Variants in MLLT3 observed in about 807,000 individuals in gnomAD.
The protein encoded by MLLT3 is MLLT3 super elongation complex subunit.
Under a neutral mutation model 53.2 loss-of-function variants are expected in MLLT3, and 4 were observed. The observed-to-expected ratio is 0.08, with a 90% CI of 0.04 to 0.17. The LOEUF (loss-of-function observed/expected upper bound fraction) is 0.17, where lower values mean the gene tolerates loss of function less well. MLLT3 is among the 10% of genes least tolerant of loss of function. The probability of loss-of-function intolerance (pLI) is 1.00; values close to 1 mark genes in which losing one functional copy is unlikely to be tolerated. For synonymous variants in MLLT3, 283 were observed against 230.6 expected (o/e 1.23, Z -2.06); for missense variants, 569 against 684.0 (o/e 0.83, Z 1.87).
chr9:20,552,110 A>G (rs912096324), intron 2 of MLLT3, among the ~76,000 whole-genome samples: 3 of 152,188 alleles, frequency 2.0e-5, no homozygotes, highest in African/African-American at 7.2e-5. Flanking sequence ...TCCTTTTATA[A>G]AGCTCTGATC....
In MLLT3 at chr9:20,427,221, C is replaced by T. The variant is rs74305684; in HGVS notation, c.421-12796G>A. Reference sequence around the variant, plus strand: ...ATATATGAAGTATAAAAAGGAAAAACACTGGAATCCAAAAAGCGACCAAGC... The same window carrying T: ...ATATATGAAGTATAAAAAGGAAAAATACTGGAATCCAAAAAGCGACCAAGC... On this transcript the variant is annotated intron_variant, in intron 4 of 10. Transcript: ENST00000380338. Among the ~76,000 whole-genome samples, 38 of 150,472 alleles carry T rather than the reference C, an allele frequency of 2.5e-4. No homozygotes were observed. The East Asian group carries it at 7.2e-3, about 29-fold the overall frequency.
intron 3 of MLLT3, among the ~76,000 whole-genome samples, chr9:20,450,930 A>C (rs1823825067): frequency 6.6e-6 from 1 of 152,214 alleles, no homozygotes; most frequent in Non-Finnish European, 1.5e-5. Flanking sequence ...ATCTATCAAC[A>C]TACCAAATAT....
At chr9:20,524,420 A>G (rs1004430932) in intron 2 of MLLT3, among the ~76,000 whole-genome samples, 1 of 152,176 alleles carries the variant, frequency 6.6e-6, no homozygotes, top group Non-Finnish European at 1.5e-5. Context: ...GTACAATAGA[A>G]TATTGAAATG....
chr9:20,353,054 T>C lies in MLLT3; in HGVS notation c.1575+471A>G, dbSNP rs1185949535. ...TGAGTTCATAATAATAGAATGTATG[T>C]CATACAAGATAAGGGAAATGAAGAA... is the stretch of plus-strand genomic sequence containing the variant. On this transcript the variant is annotated intron_variant, in intron 10 of 10. Transcript: ENST00000380338. Among the ~76,000 whole-genome samples the C allele has an allele frequency of 3.9e-5, 6 of 152,238 alleles. No homozygotes were observed. The South Asian group carries it at 1.2e-3, about 32-fold the overall frequency.
At chr9:20,618,988 A>G (rs2131216871) in intron 2 of MLLT3, among the ~76,000 whole-genome samples, 1 of 152,290 alleles carries the variant, frequency 6.6e-6, no homozygotes, top group South Asian at 2.1e-4. Flanking sequence ...ACTGCAGCCA[A>G]GTAGTAGTAA....
At chr9:20,552,760 G>C (rs1361421932) in intron 2 of MLLT3, among the ~76,000 whole-genome samples, 2 of 152,016 alleles carry the variant, frequency 1.3e-5, no homozygotes, top group African/African-American at 4.8e-5. Context: ...TTAGGAAATA[G>C]TTTTAATAGA....
chr9:20,346,866 G>C (rs1270616932), intron 10 of MLLT3, among the ~76,000 whole-genome samples: 2 of 151,884 alleles, frequency 1.3e-5, no homozygotes, highest in Non-Finnish European at 2.9e-5. Context: ...GAGCAGTTAG[G>C]GGGAGATAGC....
At chr9:20,558,877 G>T (rs1458584006) in intron 2 of MLLT3, among the ~76,000 whole-genome samples, 15 of 152,220 alleles carry the variant, frequency 9.9e-5, no homozygotes, top group Non-Finnish European at 4.4e-5. Context: ...TTTCGGATTT[G>T]AAACTTGCCA....
At chr9:20,542,761 C>A (rs904645354) in intron 2 of MLLT3, among the ~76,000 whole-genome samples, 1 of 152,114 alleles carries the variant, frequency 6.6e-6, no homozygotes, top group Non-Finnish European at 1.5e-5. Context: ...GCCATCCTGT[C>A]CTTTGAAGAT....
At chr9:20,598,262 T>C (rs2131193948) in intron 2 of MLLT3, among the ~76,000 whole-genome samples, 1 of 152,354 alleles carries the variant, frequency 6.6e-6, no homozygotes, top group Middle Eastern at 3.4e-3. Flanking sequence ...ACTGTGCTCA[T>C]CTTCAATCTC....
chr9:20,470,868 A>T (rs927534437), intron 2 of MLLT3, among the ~76,000 whole-genome samples: 3 of 152,054 alleles, frequency 2.0e-5, no homozygotes, highest in Non-Finnish European at 4.4e-5. Context: ...AAATAAACAC[A>T]TATCAAACAT....
At chr9:20,502,508 C>G (rs957132093) in intron 2 of MLLT3, among the ~76,000 whole-genome samples, 23 of 152,078 alleles carry the variant, frequency 1.5e-4, no homozygotes, top group African/African-American at 5.6e-4. Context: ...TTCAACCAAC[C>G]ACAGATTGAA....
At chr9:20,380,497 G>T (rs1238204679) in intron 5 of MLLT3, among the ~76,000 whole-genome samples, 1 of 151,848 alleles carries the variant, frequency 6.6e-6, no homozygotes, top group Non-Finnish European at 1.5e-5. Context: ...TCCTACTTGT[G>T]GAATCATTAT....
chr9:20,521,817 T>G (rs547824099), intron 2 of MLLT3, among the ~76,000 whole-genome samples: 1 of 152,252 alleles, frequency 6.6e-6, no homozygotes, highest in African/African-American at 2.4e-5. Flanking sequence ...CAGCTAGAAC[T>G]CATTAATTGC....
intron 2 of MLLT3, among the ~76,000 whole-genome samples, chr9:20,464,425 T>TA (rs1824186047): frequency 6.6e-6 from 1 of 151,998 alleles, no homozygotes; most frequent in East Asian, 1.9e-4. Context: ...CCCCTGCACT[T>TA]AATAAACTTA....
intron 6 of MLLT3, 41 bp from the exon 7 acceptor site, chr9:20,363,646 T>G: frequency 6.2e-7 from 1 of 1,603,548 alleles, no homozygotes; most frequent in Non-Finnish European, 8.5e-7. Flanking sequence ...AAACATATAC[T>G]CAAACACACT....
In MLLT3 at chr9:20,620,011, G is replaced by A. The variant is rs1820952657; in HGVS notation, c.193+643C>T. On this transcript the variant is annotated intron_variant, in intron 2 of 10. Coordinates refer to ENST00000380338, the MANE Select transcript of MLLT3 (RefSeq NM_004529.4). The surrounding 1 kb of genome is among the most constrained non-coding windows in gnomAD (Gnocchi z 6.1). Reference sequence around the variant, plus strand: ...AATCAAAGGAGCAGTCAAGTGGCACGCGGGGGTGGGAGGGAGGAACGAGTA... The same window carrying A: ...AATCAAAGGAGCAGTCAAGTGGCACACGGGGGTGGGAGGGAGGAACGAGTA... Among the ~76,000 whole-genome samples the A allele has an allele frequency of 6.6e-6, 1 of 152,114 alleles. No homozygotes were observed. The highest frequency in any genetic ancestry group is 1.5e-5 in the Non-Finnish European group (1 of 68,016).
chr9:20,343,859 G>A lies in MLLT3; in HGVS notation c.*2584C>T. 4.8e-6 allele frequency: 1 copy of A among 208,186 alleles called. No individual in the cohort carries two copies. The highest frequency in any genetic ancestry group is 7.3e-5 in the East Asian group (1 of 13,732). 12.9% of individuals were successfully genotyped at this position (208,186 alleles called of 1,614,324 possible). ...AAGTTGGGTGTATATAAATGTGACA[G>A]AACTGAAGGGGTTACTTTAAGAGAG... On this transcript the variant is annotated 3_prime_UTR_variant, in exon 11 of 11. Coordinates refer to ENST00000380338, the MANE Select transcript of MLLT3 (RefSeq NM_004529.4).
intron 3 of MLLT3, among the ~76,000 whole-genome samples, chr9:20,453,633 T>C (rs1427895701): frequency 6.6e-6 from 1 of 152,188 alleles, no homozygotes; most frequent in African/African-American, 2.4e-5. Flanking sequence ...TGCCCTTAAG[T>C]TCCTGTGTTG....
Sources: gnomAD v4.1 joint callset for allele counts (sites outside exome capture counted in the v4.1 genomes callset) on GRCh38, gnomAD v4.1.1 for gene constraint, Gnocchi (gnomAD v3.1) non-coding constraint, MANE v1.5 for transcripts, NCBI Gene and HGNC (gene_info 2026-07-23, HGNC 2026-07-21) for gene names.